The following SLC4A10 variants were observed in gnomAD, a reference collection of about 807,000 sequenced individuals.
SLC4A10 encodes solute carrier family 4 member 10.
A neutral mutation model predicts 137.7 loss-of-function variants in SLC4A10; 42 were observed. The ratio of observed to expected loss-of-function variants is 0.30; its 90% CI spans 0.24 to 0.39. The LOEUF (loss-of-function observed/expected upper bound fraction) is 0.39. Among genes scored for constraint, SLC4A10 ranks in the 10% least tolerant of loss-of-function variants. The probability of loss-of-function intolerance (pLI) is 1.00; values close to 1 mark genes in which losing one functional copy is unlikely to be tolerated. For synonymous variants in SLC4A10, 474 were observed against 464.1 expected, an observed-to-expected ratio of 1.02 and a Z score of -0.27; for missense variants, 925 against 1,355.0, an observed-to-expected ratio of 0.68 and a Z score of 4.98.
At chr2:161,914,424 G>A (rs1310566411) in intron 15 of SLC4A10, among the ~76,000 whole-genome samples, 5 of 152,108 alleles carry the variant, frequency 3.3e-5, no homozygotes, top group African/African-American at 4.8e-5. Flanking sequence ...CACGAAACAT[G>A]TTCTGTAAAG....
intron 1 of SLC4A10, among the ~76,000 whole-genome samples, chr2:161,699,064 G>C (rs10169187): frequency 0.92 from 139,554 of 152,174 alleles, 64,073 homozygotes; most frequent in East Asian, 1. Context: ...CTGTCGCCCA[G>C]GCTGGAGTGC....
intron 3 of SLC4A10, among the ~76,000 whole-genome samples, chr2:161,836,595 AGAAAGGAAG>A (rs1559359787): frequency 6.3e-5 from 2 of 31,822 alleles, no homozygotes; most frequent in Non-Finnish European, 1.6e-4. Context: ...AAAGAAAGAA[AGAAAGGAAG>A]GAAGGAAAGA....
chr2:161,842,904 G>C (rs566777198), intron 4 of SLC4A10, among the ~76,000 whole-genome samples: 2 of 152,226 alleles, frequency 1.3e-5, no homozygotes, highest in East Asian at 3.9e-4. Flanking sequence ...AGAAGCATCT[G>C]TCTGCCACGA....
At chr2:161,633,464 T>G (rs558997157) in intron 1 of SLC4A10, among the ~76,000 whole-genome samples, 2 of 151,806 alleles carry the variant, frequency 1.3e-5, no homozygotes, top group South Asian at 2.1e-4. Context: ...TCTAAAAGTT[T>G]CAGTTAGGAG....
At chr2:161,675,745 T>C (rs1478310112) in intron 1 of SLC4A10, among the ~76,000 whole-genome samples, 1 of 152,178 alleles carries the variant, frequency 6.6e-6, no homozygotes, top group Non-Finnish European at 1.5e-5. Flanking sequence ...TTGTTAAATA[T>C]AAAAGTTAAT....
At chr2:161,897,021 A>T (rs1179229076) in intron 11 of SLC4A10, among the ~76,000 whole-genome samples, 2 of 152,118 alleles carry the variant, frequency 1.3e-5, no homozygotes, top group African/African-American at 4.8e-5. Flanking sequence ...TAATCATATT[A>T]TATAGAAAAC....
intron 10 of SLC4A10, among the ~76,000 whole-genome samples, chr2:161,891,910 T>C (rs2126026170): frequency 6.6e-6 from 1 of 152,184 alleles, no homozygotes; most frequent in East Asian, 1.9e-4. Context: ...CTTTTTGTGC[T>C]GAAAAACTTT....
chr2:161,943,482 A>G (rs1005788856), intron 16 of SLC4A10, among the ~76,000 whole-genome samples: 13 of 151,892 alleles, frequency 8.6e-5, no homozygotes, highest in African/African-American at 3.1e-4. Flanking sequence ...CCATTGTCTT[A>G]TTTCCTTTGA....
At chr2:161,920,758 A>G (rs558510547) in intron 15 of SLC4A10, among the ~76,000 whole-genome samples, 1 of 152,358 alleles carries the variant, frequency 6.6e-6, no homozygotes, top group South Asian at 2.1e-4. Flanking sequence ...AAAACTCAGG[A>G]GTAAAATGGG....
chr2:161,828,502 TTAAA>T (rs2125722146), intron 3 of SLC4A10, among the ~76,000 whole-genome samples: 1 of 149,456 alleles, frequency 6.7e-6, no homozygotes, highest in African/African-American at 2.4e-5. Flanking sequence ...TCTATATATT[TTAAA>T]TATGTAGTAT....
At chr2:161,629,972 G>T (rs183193777) in intron 1 of SLC4A10, among the ~76,000 whole-genome samples, 1 of 151,826 alleles carries the variant, frequency 6.6e-6, no homozygotes, top group Non-Finnish European at 1.5e-5. Flanking sequence ...TCCAAGTTTG[G>T]CATTTATGAA....
intron 1 of SLC4A10, among the ~76,000 whole-genome samples, chr2:161,691,885 T>C (rs79034370): frequency 6.0e-4 from 91 of 152,226 alleles, no homozygotes; most frequent in African/African-American, 1.8e-3. Context: ...TGAAACAAGT[T>C]TGTAAATGGT....
intron 1 of SLC4A10, among the ~76,000 whole-genome samples, chr2:161,749,430 G>T (rs75851391): frequency 0.02 from 3,087 of 151,868 alleles, 105 homozygotes; most frequent in African/African-American, 0.069. Flanking sequence ...CCTTTATTAT[G>T]TTTAGGGAAT....
At chr2:161,910,663 A>G (rs762787093) in intron 15 of SLC4A10, among the ~76,000 whole-genome samples, 4 of 152,122 alleles carry the variant, frequency 2.6e-5, no homozygotes, top group Non-Finnish European at 5.9e-5. Flanking sequence ...AGAGTGAAAT[A>G]AAATATAATG....
At chr2:161,787,458 T>C (rs1012626019) in intron 2 of SLC4A10, among the ~76,000 whole-genome samples, 1 of 152,164 alleles carries the variant, frequency 6.6e-6, no homozygotes, top group Non-Finnish European at 1.5e-5. Context: ...TATCTGGATG[T>C]CTACCTCCCA....
At chr2:161,881,042 A>G (rs528751285) in intron 9 of SLC4A10, among the ~76,000 whole-genome samples, 1 of 152,120 alleles carries the variant, frequency 6.6e-6, no homozygotes, top group Non-Finnish European at 1.5e-5. Context: ...GAGCAACTGT[A>G]TGAGAAAAGA....
chr2:161,754,929 T>C (rs1355209950), intron 1 of SLC4A10, among the ~76,000 whole-genome samples: 1 of 152,156 alleles, frequency 6.6e-6, no homozygotes, highest in African/African-American at 2.4e-5. Flanking sequence ...TGTTAAGGAA[T>C]TTAGCCTGTC....
chr2:161,744,695 A>T (rs1344402312), intron 1 of SLC4A10, among the ~76,000 whole-genome samples: 2 of 152,156 alleles, frequency 1.3e-5, no homozygotes, highest in East Asian at 3.8e-4. Flanking sequence ...CAAACAAACA[A>T]AAAAAGGAAA....
At chr2:161,849,966 G>A (rs72879293) in intron 4 of SLC4A10, among the ~76,000 whole-genome samples, 9,311 of 152,054 alleles carry the variant, frequency 0.061, 378 homozygotes, top group East Asian at 0.14. Context: ...TTCAGTATCC[G>A]TTCTTCTTTA....
Sources: gnomAD v4.1 joint callset for allele counts (sites outside exome capture counted in the v4.1 genomes callset) on GRCh38, gnomAD v4.1.1 for gene constraint, MANE v1.5 for transcripts, NCBI Gene and HGNC (gene_info 2026-07-23, HGNC 2026-07-21) for gene names.